The following PIP4K2A variants were observed in gnomAD, a reference collection of about 807,000 sequenced individuals.
The protein encoded by PIP4K2A is phosphatidylinositol 5-phosphate 4-kinase type-2 alpha.
In PIP4K2A, 14 loss-of-function variants were observed where a neutral mutation model predicts 42.9. The observed-to-expected ratio is 0.33, with a 90% CI of 0.22 to 0.51. The LOEUF (loss-of-function observed/expected upper bound fraction) is 0.51. PIP4K2A is among the 20% of genes least tolerant of loss of function. PIP4K2A has a pLI of 0.97. For synonymous variants in PIP4K2A, 192 were observed against 192.2 expected (o/e 1.00, Z 0.01); for missense variants, 434 against 519.8 (o/e 0.83, Z 1.61).
At chr10:22,652,017 C>A (rs1240160958) in intron 1 of PIP4K2A, among the ~76,000 whole-genome samples, 1 of 152,158 alleles carries the variant, frequency 6.6e-6, no homozygotes, top group Non-Finnish European at 1.5e-5. Context: ...TAAATCAGCT[C>A]CTGTAGATTC....
At position 22,645,179 on chromosome 10, in the gene PIP4K2A, TTAAA is replaced by T. The variant is rs200955764; in HGVS notation, c.145-35466_145-35463del. Among the ~76,000 whole-genome samples the T allele has an allele frequency of 7.2e-3, 1,101 of 152,340 alleles. 13 individuals carry two copies. The highest frequency in any genetic ancestry group is 0.024 in the African/African-American group (1,001 of 41,572). On this transcript the variant is annotated intron_variant, in intron 1 of 9. Coordinates refer to ENST00000376573, the MANE Select transcript of PIP4K2A (RefSeq NM_005028.5). ...AACTCATTTTGAAAACGCAATTTTT[TTAAA>T]TGGGTGACGATGACAAAAAAATATT...
At chr10:22,681,110 T>C (rs984188431) in intron 1 of PIP4K2A, among the ~76,000 whole-genome samples, 2 of 152,204 alleles carry the variant, frequency 1.3e-5, no homozygotes, top group East Asian at 1.9e-4. Context: ...CTGCCCCAGA[T>C]TTTTTCTTGT....
At chr10:22,539,923 GA>G (rs1330528590) in intron 9 of PIP4K2A, 47 bp downstream of exon 9, 12 of 1,005,068 alleles carry the variant, frequency 1.2e-5, no homozygotes, top group Admixed American at 1.7e-5. Flanking sequence ...GAGAGAGAGA[GA>G]GAGAGAGGGA....
intron 1 of PIP4K2A, among the ~76,000 whole-genome samples, chr10:22,705,494 A>G (rs1055354472): frequency 6.8e-6 from 1 of 146,714 alleles, no homozygotes; most frequent in Non-Finnish European, 1.5e-5. Flanking sequence ...GACAAAAACA[A>G]GGCTGTTCTG....
intron 6 of PIP4K2A, among the ~76,000 whole-genome samples, chr10:22,567,251 A>G (rs1836866745): frequency 6.6e-6 from 1 of 152,236 alleles, no homozygotes. Flanking sequence ...GACTCTCTCT[A>G]TAATCTTGCA....
intron 1 of PIP4K2A, among the ~76,000 whole-genome samples, chr10:22,664,102 T>TACATATATATATACATATATATATAC (rs1839275936): frequency 2.3e-5 from 2 of 86,668 alleles, no homozygotes; most frequent in Admixed American, 2.6e-4. Flanking sequence ...TATATATATA[T>TACATATATATATACATATATATATAC]ACATATATAT....
chr10:22,572,245 T>C (rs1189413576), intron 5 of PIP4K2A, among the ~76,000 whole-genome samples: 1 of 152,206 alleles, frequency 6.6e-6, no homozygotes, highest in East Asian at 1.9e-4. Context: ...TACCAAACTC[T>C]GCCATTACAG....
At chr10:22,600,916 G>A (rs150319937) in intron 3 of PIP4K2A, among the ~76,000 whole-genome samples, 26 of 151,820 alleles carry the variant, frequency 1.7e-4, no homozygotes, top group Middle Eastern at 3.4e-3. Context: ...ATTATAGAGG[G>A]GAGCAAGACA....
chr10:22,631,207 C>G (rs966368337), intron 1 of PIP4K2A, among the ~76,000 whole-genome samples: 2 of 152,180 alleles, frequency 1.3e-5, no homozygotes, highest in African/African-American at 4.8e-5. Context: ...TAATAACAGA[C>G]TGTAACTGTC....
At chr10:22,711,285 A>C (rs1387983492) in intron 1 of PIP4K2A, among the ~76,000 whole-genome samples, 1 of 152,272 alleles carries the variant, frequency 6.6e-6, no homozygotes, top group Non-Finnish European at 1.5e-5. Context: ...GTTTCAATCA[A>C]ATCGACTTTG....
intron 1 of PIP4K2A, among the ~76,000 whole-genome samples, chr10:22,698,060 G>C (rs1840006001): frequency 6.6e-6 from 1 of 152,130 alleles, no homozygotes; most frequent in Non-Finnish European, 1.5e-5. Flanking sequence ...TCTCTGCTTA[G>C]AGTCCGACGA....
intron 1 of PIP4K2A, among the ~76,000 whole-genome samples, chr10:22,697,819 A>T (rs993608265): frequency 1.4e-4 from 22 of 152,212 alleles, no homozygotes; most frequent in African/African-American, 5.3e-4. Flanking sequence ...ATGTCACATT[A>T]CATTTTCTGA....
chr10:22,662,778 G>A (rs1167001708), intron 1 of PIP4K2A, among the ~76,000 whole-genome samples: 3 of 152,136 alleles, frequency 2.0e-5, no homozygotes, highest in Non-Finnish European at 2.9e-5. Context: ...AACTCCCCCC[G>A]CCACAATGGT....
At chr10:22,592,391 A>G (rs893495896) in intron 3 of PIP4K2A, among the ~76,000 whole-genome samples, 1 of 152,198 alleles carries the variant, frequency 6.6e-6, no homozygotes, top group African/African-American at 2.4e-5. Flanking sequence ...CTACTCAACT[A>G]GTAAAGTACT....
At chr10:22,677,520 C>T (rs776482023) in intron 1 of PIP4K2A, among the ~76,000 whole-genome samples, 11 of 152,282 alleles carry the variant, frequency 7.2e-5, no homozygotes, top group South Asian at 4.1e-4. Context: ...AGCAGCCACA[C>T]GTGGCTCGTG....
chr10:22,664,104 C>CATATATATATACATATATATATACAT lies in PIP4K2A; in HGVS notation c.144+50078_144+50079insATGTATATATATATGTATATATATAT, dbSNP rs1839276881. ...ATATATATATACATATATATATATA[C>CATATATATATACATATATATATACAT]ATATATATATACATATATATATATA... is the stretch of plus-strand genomic sequence containing the variant. On this transcript the variant is annotated intron_variant, in intron 1 of 9. Coordinates refer to ENST00000376573, the MANE Select transcript of PIP4K2A (RefSeq NM_005028.5). 6.0e-5 allele frequency among the ~76,000 whole-genome samples: 3 copies of CATATATATATACATATATATATACAT among 50,374 alleles called. No individual in the cohort carries two copies. In the African/African-American group the frequency reaches 7.2e-4, roughly 12 times the overall value. The allele number at this position is 50,374 out of a possible 152,430, so 33.0% of individuals were successfully genotyped here. A position where few individuals can be genotyped will look rare whatever the true frequency, so the allele number is the denominator to read the frequency against.
At position 22,535,878 on chromosome 10, in the gene PIP4K2A, G is replaced by A. The variant is rs1835906091; in HGVS notation, c.*1323C>T. The stretch of plus-strand genomic sequence containing the variant: ...AAAATCAATCATTAGGTTGATAAAT[G>A]TACATTTGGAGGAAAAAAAAATCCT... On this transcript the variant is annotated 3_prime_UTR_variant, in exon 10 of 10. Transcript: ENST00000376573. 1 of 309,474 alleles carries A rather than the reference G, an allele frequency of 3.2e-6. No homozygotes were observed. Among genetic ancestry groups the A allele is most frequent in the Non-Finnish European group, 5.3e-6 (1 of 187,258 alleles). The allele number at this position is 309,474 out of a possible 1,614,324, so 19.2% of individuals were successfully genotyped here.
rs747231511 is a variant in PIP4K2A, at chr10:22,550,643, C to CACTG, written c.792+12_792+15dup. ...ATTTATACAATGAGTCTGGCCTCTC[C>CACTG]ACTGACTGTTCTTACCTCAACATCC... On this transcript the variant is annotated intron_variant, in intron 7 of 9. Transcript: ENST00000376573. 6 of 1,277,864 alleles carry CACTG rather than the reference C, an allele frequency of 4.7e-6. No individual in the cohort carries two copies. The highest frequency in any genetic ancestry group is 6.9e-6 in the Non-Finnish European group (6 of 872,010). 79.2% of individuals were successfully genotyped at this position (1,277,864 alleles called of 1,614,324 possible). A position where few individuals can be genotyped will look rare whatever the true frequency, so the allele number is the denominator to read the frequency against.
At chr10:22,550,952 C>G (rs1238936590) in intron 6 of PIP4K2A, among the ~76,000 whole-genome samples, 180 bp from the exon 7 acceptor site, 2 of 152,178 alleles carry the variant, frequency 1.3e-5, no homozygotes, top group Non-Finnish European at 2.9e-5. Flanking sequence ...CCGGGGGGCG[C>G]CAGTGAGCCC....
Sources: allele counts gnomAD v4.1 joint callset (sites outside exome capture counted in the v4.1 genomes callset), GRCh38; gene constraint gnomAD v4.1.1; transcripts MANE v1.5; gene names NCBI Gene and HGNC (gene_info 2026-07-23, HGNC 2026-07-21).